The following CEP43 variants were observed in gnomAD, a reference collection of about 807,000 sequenced individuals.
CEP43 encodes FGFR1 oncogene partner.
A neutral mutation model predicts 52.6 loss-of-function variants in CEP43; 36 were observed. The ratio of observed to expected loss-of-function variants is 0.68; its 90% confidence interval spans 0.52 to 0.90. CEP43 has a LOEUF of 0.90. Ranked by LOEUF, CEP43 falls within the 40% of genes least tolerant of loss-of-function variation. CEP43 has a pLI of 0.00. For missense variants in CEP43, 506 were observed against 472.8 expected, an observed-to-expected ratio of 1.07 and a Z score of -0.65; for synonymous variants, 192 against 172.4, an observed-to-expected ratio of 1.11 and a Z score of -0.89.
intron 2 of CEP43, 29 bp from the exon 3 acceptor site, chr6:167,003,164 T>A: frequency 9.5e-7 from 1 of 1,057,988 alleles, no homozygotes; most frequent in Non-Finnish European, 1.4e-6. Context: ...GGTAAACACA[T>A]GACACTTAAA....
At chr6:167,020,257 A>G (rs1295047980) in intron 7 of CEP43, among the ~76,000 whole-genome samples, 2 of 152,234 alleles carry the variant, frequency 1.3e-5, no homozygotes, top group Non-Finnish European at 2.9e-5. Context: ...ATAATCATTA[A>G]TTTATATTAA....
At chr6:167,030,918 A>G (rs1266585842) in intron 10 of CEP43, among the ~76,000 whole-genome samples, 1 of 151,812 alleles carries the variant, frequency 6.6e-6, no homozygotes, top group South Asian at 2.1e-4. Flanking sequence ...ATTGCAACCA[A>G]CCAAGCCCTA....
At chr6:167,003,137 T>G (rs1298754693) in intron 2 of CEP43, 56 bp from the exon 3 acceptor site, 1 of 782,482 alleles carries the variant, frequency 1.3e-6, no homozygotes, top group Non-Finnish European at 2.1e-6. Context: ...AACTTTATAT[T>G]TTGTAGTTGT....
At position 167,000,172 on chromosome 6, in the gene CEP43, T is replaced by C. The variant is rs888513231; in HGVS notation, c.156+59T>C. On this transcript the variant is annotated intron_variant, in intron 2 of 12. Coordinates refer to ENST00000366847, the MANE Select transcript of CEP43 (RefSeq NM_007045.4). Reference sequence around the variant, plus strand: ...TCGTTAATACTTAATTTCTTATTCATTAAAAACCGTCTTAAAAATAGTTTA... The same window carrying C: ...TCGTTAATACTTAATTTCTTATTCACTAAAAACCGTCTTAAAAATAGTTTA... 1.5e-5 allele frequency: 20 copies of C among 1,297,294 alleles called. No individual in the cohort carries two copies. The African/African-American group carries it at 2.8e-4, about 18-fold the overall frequency. 80.4% of individuals were successfully genotyped at this position (1,297,294 alleles called of 1,614,324 possible).
rs1780832914 is a variant in CEP43 at position 167,048,591 on chromosome 6, G to T, written c.*8613G>T. On this transcript the variant is annotated 3_prime_UTR_variant, in exon 13 of 13. Transcript: ENST00000366847. ...CTATCTTTCAAATTATATCAAAACA[G>T]TGATTCATAAATTCCATGTTGCCCA... 6.6e-6 allele frequency: 1 copy of T among 152,104 alleles called. No individual in the cohort carries two copies. The highest frequency in any genetic ancestry group is 6.5e-5 in the Admixed American group (1 of 15,276). 9.4% of individuals were successfully genotyped at this position (152,104 alleles called of 1,614,324 possible).
chr6:167,004,227 AT>A (rs747844706), intron 4 of CEP43, 36 bp from the exon 5 acceptor site: 4 of 1,575,076 alleles, frequency 2.5e-6, no homozygotes, highest in South Asian at 2.4e-5. Context: ...AACTTCTGCT[AT>A]TTTTTTGTGC....
rs1582966135 is a variant in CEP43 at position 167,047,488 on chromosome 6, T to G, written c.*7510T>G. On this transcript the variant is annotated 3_prime_UTR_variant, in exon 13 of 13. Coordinates refer to ENST00000366847, the MANE Select transcript of CEP43 (RefSeq NM_007045.4). ...CTTACAGGGCTGCCCTGGTCTTAAG[T>G]AATGCCCACAGAGAGCTTAGCATTG... The G allele has an allele frequency of 6.6e-6, 1 of 152,308 alleles. No individual in the cohort carries two copies. The highest frequency in any genetic ancestry group is 2.4e-5 in the African/African-American group (1 of 41,568). The allele number at this position is 152,308 out of a possible 1,614,324, so 9.4% of individuals were successfully genotyped here.
chr6:167,041,549 A>G lies in CEP43; in HGVS notation c.*1571A>G, dbSNP rs1338398651. The G allele has an allele frequency of 4.8e-6, 5 of 1,050,984 alleles. No homozygotes were observed. Among genetic ancestry groups the G allele is most frequent in the Non-Finnish European group, 5.7e-6 (5 of 870,368 alleles). 65.1% of individuals were successfully genotyped at this position (1,050,984 alleles called of 1,614,324 possible). A position where few individuals can be genotyped will look rare whatever the true frequency, so the allele number is the denominator to read the frequency against. On this transcript the variant is annotated 3_prime_UTR_variant, in exon 13 of 13. Coordinates refer to ENST00000366847, the MANE Select transcript of CEP43 (RefSeq NM_007045.4). ...ATTTCTTTGTAAGTCATCTCTGTAA[A>G]CAGTCACTTTCTAAAAGCACTATAG...
chr6:167,031,326 G>A (rs1413093956), intron 10 of CEP43, among the ~76,000 whole-genome samples: 1 of 152,088 alleles, frequency 6.6e-6, no homozygotes, highest in Non-Finnish European at 1.5e-5. Flanking sequence ...CTGCAACCTA[G>A]GTTTCCACTC....
rs756768766 is a variant in CEP43 at position 167,004,288 on chromosome 6, A to G, written c.325A>G (p.Asn109Asp). Reference sequence around the variant, plus strand: ...GCTGCAAGGTCTCGAAGGTCGAGAGAATTTAGCCCGAGATTTAGGTATAAT... The same window carrying G: ...GCTGCAAGGTCTCGAAGGTCGAGAGGATTTAGCCCGAGATTTAGGTATAAT... ...STLQGLEGRE[N>D]LARDLGIIEA... The change falls in exon 5 of 13, where the codon AAT (asparagine) becomes GAT (aspartate). Residue 109 changes from asparagine to aspartate, a missense_variant. Coordinates refer to ENST00000366847, the MANE Select transcript of CEP43 (RefSeq NM_007045.4). 4 of 1,607,432 alleles carry G rather than the reference A, an allele frequency of 2.5e-6. No individual in the cohort carries two copies. The South Asian group carries it at 3.4e-5, about 13-fold the overall frequency.
At position 167,032,709 on chromosome 6, in the gene CEP43, CAA is replaced by C. The variant is rs111293433; in HGVS notation, c.1028+68_1028+69del. ...TTTGTAAACAATTTCCGAACACAGA[CAA>C]GACAAAATTACATTTGGTGCTTATT... On this transcript the variant is annotated intron_variant, in intron 11 of 12. Coordinates refer to ENST00000366847, the MANE Select transcript of CEP43 (RefSeq NM_007045.4). The C allele has an allele frequency of 6.9e-4, 946 of 1,375,134 alleles. 5 individuals are homozygous for C. In the African/African-American group the frequency reaches 0.013, roughly 18 times the overall value. 85.2% of individuals were successfully genotyped at this position (1,375,134 alleles called of 1,614,324 possible).
intron 7 of CEP43, among the ~76,000 whole-genome samples, chr6:167,016,791 A>G (rs1780109749): frequency 6.6e-6 from 1 of 152,104 alleles, no homozygotes; most frequent in South Asian, 2.1e-4. Context: ...ATAATTCATT[A>G]GTAAGTCATG....
chr6:167,029,343 T>C (rs980881632), intron 10 of CEP43, among the ~76,000 whole-genome samples: 1 of 152,246 alleles, frequency 6.6e-6, no homozygotes, highest in African/African-American at 2.4e-5. Flanking sequence ...GTAGTACAGG[T>C]TGAGTATCCC....
In CEP43 at chr6:167,044,476, G is replaced by A. The variant is rs1167191445; in HGVS notation, c.*4498G>A. The A allele has an allele frequency of 8.6e-5, 85 of 985,252 alleles. No individual in the cohort carries two copies. The highest frequency in any genetic ancestry group is 9.9e-5 in the Non-Finnish European group (82 of 829,900). The allele number at this position is 985,252 out of a possible 1,614,324, so 61.0% of individuals were successfully genotyped here. A position where few individuals can be genotyped will look rare whatever the true frequency, so the allele number is the denominator to read the frequency against. ...ACCTCCAGGCTGACAAAGTTTCCCC[G>A]AGGAAGTCAGATTGGAAAAGTGTCC... On this transcript the variant is annotated 3_prime_UTR_variant, in exon 13 of 13. Transcript: ENST00000366847.
At chr6:167,038,259 G>A (rs1780623720) in intron 12 of CEP43, among the ~76,000 whole-genome samples, 1 of 152,122 alleles carries the variant, frequency 6.6e-6, no homozygotes, top group African/African-American at 2.4e-5. Context: ...TTGTGAACCC[G>A]GGGCTGGGAG....
chr6:167,036,612 AGTTCCC>A, intron 12 of CEP43: 2 of 985,428 alleles, frequency 2.0e-6, no homozygotes, highest in Non-Finnish European at 2.4e-6. Context: ...AAATCTTACA[AGTTCCC>A]GTCGATTTGT....
chr6:167,032,262 T>C (rs1308691252), intron 10 of CEP43, among the ~76,000 whole-genome samples: 1 of 152,238 alleles, frequency 6.6e-6, no homozygotes, highest in Non-Finnish European at 1.5e-5. Context: ...CAGTAGTTCA[T>C]CTAGTACCTA....
At chr6:167,009,929 G>A (rs1351386906) in intron 5 of CEP43, among the ~76,000 whole-genome samples, 1 of 152,068 alleles carries the variant, frequency 6.6e-6, no homozygotes, top group Non-Finnish European at 1.5e-5. Context: ...TTTTGGCATG[G>A]GGCAAGGTCA....
chr6:167,025,527 G>A (rs1175436034), intron 9 of CEP43, among the ~76,000 whole-genome samples: 2 of 152,224 alleles, frequency 1.3e-5, no homozygotes, highest in African/African-American at 4.8e-5. Flanking sequence ...AATTAGCGTA[G>A]TGTTTCAGAG....
Sources: gnomAD v4.1 joint callset for allele counts (sites outside exome capture counted in the v4.1 genomes callset) on GRCh38, gnomAD v4.1.1 for gene constraint, MANE v1.5 for transcripts, NCBI Gene and HGNC (gene_info 2026-07-23, HGNC 2026-07-21) for gene names.